MIF: variants seen among roughly 807,000 people sequenced by gnomAD.
The protein encoded by MIF is L-dopachrome isomerase.
A neutral mutation model predicts 11.3 loss-of-function variants in MIF; 16 were observed. The ratio of observed to expected loss-of-function variants is 1.42; its 90% confidence interval spans 0.96 to 2.16. MIF has a LOEUF of 2.16. Among genes scored for constraint, MIF ranks in the 30% most tolerant of loss-of-function variants. MIF has a pLI of 0.00. For missense variants in MIF, 229 were observed against 165.3 expected (o/e 1.39, Z -2.11); for synonymous variants, 83 against 74.2 (o/e 1.12, Z -0.61).
Position 23,894,448 on chromosome 22 carries a change from C to T in MIF, c.-27C>T. The T allele has an allele frequency of 6.3e-7, 1 of 1,586,562 alleles. No homozygotes were observed. On this transcript the variant is annotated 5_prime_UTR_variant, in exon 1 of 3. Coordinates refer to ENST00000215754, the MANE Select transcript of MIF (RefSeq NM_002415.2). ...CGCGGCGCGTGCGTCTGTGCCTCTG[C>T]GCGGGTCTCCTGGTCCTTCTGCCAT...
rs759924253 is a variant in MIF, at chr22:23,894,629, G to T, written c.108+47G>T. The T allele has an allele frequency of 5.7e-6, 9 of 1,580,990 alleles. No individual in the cohort carries two copies. The African/African-American group carries it at 1.1e-4, about 19-fold the overall frequency. On this transcript the variant is annotated intron_variant, in intron 1 of 2. Coordinates refer to ENST00000215754, the MANE Select transcript of MIF (RefSeq NM_002415.2). ...AGAGGGGGGTGCCCACCGGACGAGG[G>T]GTTCCGCGCTGGGAGCTGGGGAGGC...
chr22:23,894,479 C>A lies in MIF; in HGVS notation c.5C>A (p.Pro2Gln), dbSNP rs200500959. The A allele has an allele frequency of 6.2e-7, 1 of 1,612,762 alleles. No homozygotes were observed. Among genetic ancestry groups the A allele is most frequent in the Non-Finnish European group, 8.5e-7 (1 of 1,179,480 alleles). The change falls in exon 1 of 3, where the codon CCG becomes CAG. Residue 2 changes from proline to glutamine, a missense_variant. Physicochemically the swap from Pro to Gln is moderately conservative, Grantham distance 76. Transcript: ENST00000215754. ...TCTCCTGGTCCTTCTGCCATCATGC[C>A]GATGTTCATCGTAAACACCAACGTG... The part of the protein sequence containing the change: M[P>Q]MFIVNTNVPR...
chr22:23,894,768 G>A lies in MIF; in HGVS notation c.109-4G>A, dbSNP rs750230663. The A allele has an allele frequency of 1.3e-6, 2 of 1,526,642 alleles. No homozygotes were observed. Among genetic ancestry groups the A allele is most frequent in the Non-Finnish European group, 8.8e-7 (1 of 1,139,192 alleles). 94.6% of individuals were successfully genotyped at this position (1,526,642 alleles called of 1,614,324 possible). A position where few individuals can be genotyped will look rare whatever the true frequency, so the allele number is the denominator to read the frequency against. ...GGCGGGCTGACCGCGCCCTTTCCTCGCAGTACATCGCGGTGCACGTGGTCC... is the reference window on the plus strand; with the variant it reads ...GGCGGGCTGACCGCGCCCTTTCCTCACAGTACATCGCGGTGCACGTGGTCC... On this transcript the variant is annotated splice_polypyrimidine_tract_variant and splice_region_variant and intron_variant, in intron 1 of 2. Transcript: ENST00000215754.
Position 23,894,566 on chromosome 22 carries a change from C to G in MIF, c.92C>G (p.Thr31Ser). The G allele has an allele frequency of 6.2e-7, 1 of 1,612,776 alleles. No individual in the cohort carries two copies. The highest frequency in any genetic ancestry group is 8.5e-7 in the Non-Finnish European group (1 of 1,179,662). Residue 31 changes from threonine (T) to serine (S), a missense_variant, in exon 1 of 3, where the codon ACC becomes AGC. Coordinates refer to ENST00000215754, the MANE Select transcript of MIF (RefSeq NM_002415.2). Reference protein sequence around the residue: ...SELTQQLAQATGKPPQYIAVH... With the variant: ...SELTQQLAQASGKPPQYIAVH... ...CTCACCCAGCAGCTGGCGCAGGCCACCGGCAAGCCCCCCCAGGTTTGCCGG... is the reference window on the plus strand; with the variant it reads ...CTCACCCAGCAGCTGGCGCAGGCCAGCGGCAAGCCCCCCCAGGTTTGCCGG...
chr22:23,894,528 G>GT lies in MIF; in HGVS notation c.56dup (p.Leu20ProfsTer?), dbSNP rs1569004370. On this transcript the variant is annotated frameshift_variant, in exon 1 of 3. Transcript: ENST00000215754. LOFTEE classifies it high-confidence loss of function. The stretch of plus-strand genomic sequence containing the variant: ...TGCCCCGCGCCTCCGTGCCGGACGG[G>GT]TTCCTCTCCGAGCTCACCCAGCAGC... 1 of 1,613,242 alleles carries GT rather than the reference G, an allele frequency of 6.2e-7. No homozygotes were observed.
At chr22:23,894,657 C>G (rs909102271) in intron 1 of MIF, 75 bp downstream of exon 1, 16 of 1,496,596 alleles carry the variant, frequency 1.1e-5, no homozygotes, top group Middle Eastern at 2.2e-4. Context: ...GGGGAGGCGA[C>G]TCCTGAACGG....
intron 1 of MIF, 84 bp from the exon 2 acceptor site, chr22:23,894,688 G>A: frequency 1.4e-6 from 2 of 1,468,752 alleles, no homozygotes; most frequent in Non-Finnish European, 1.8e-6. Context: ...CGGGGCGGGG[G>A]GAGGACGGTG....
intron 2 of MIF, 43 bp downstream of exon 2, chr22:23,894,987 C>T (rs1416718426): frequency 2.6e-6 from 4 of 1,541,684 alleles, no homozygotes; most frequent in Middle Eastern, 3.8e-4. Context: ...CGGCGGCGCG[C>T]GGCCAGGCCC....
intron 2 of MIF, 24 bp from the exon 3 acceptor site, chr22:23,895,016 G>A (rs1365859466): frequency 2.6e-6 from 4 of 1,541,484 alleles, no homozygotes; most frequent in Admixed American, 3.9e-5. Context: ...GCCACCCGCT[G>A]AGTCCGGCCT....
rs11548059 is a variant in MIF, at chr22:23,894,794, C to G, written c.131C>G (p.Pro44Arg). 6 of 1,550,990 alleles carry G rather than the reference C, an allele frequency of 3.9e-6. No homozygotes were observed. Among genetic ancestry groups the G allele is most frequent in the Non-Finnish European group, 5.2e-6 (6 of 1,152,664 alleles). Residue 44 changes from proline to arginine, a missense_variant, in exon 2 of 3, where the codon CCG becomes CGG. Physicochemically the swap from Pro to Arg is moderately radical, Grantham distance 103 (BLOSUM62 -2). Coordinates refer to ENST00000215754, the MANE Select transcript of MIF (RefSeq NM_002415.2). ...CAGTACATCGCGGTGCACGTGGTCC[C>G]GGACCAGCTCATGGCCTTCGGCGGC... The part of the protein sequence containing the change: ...PPQYIAVHVV[P>R]DQLMAFGGSS...
Position 23,894,953 on chromosome 22 carries a change from A to G in MIF, c.281+9A>G. 7 of 1,549,782 alleles carry G rather than the reference A, an allele frequency of 4.5e-6. No individual in the cohort carries two copies. Among genetic ancestry groups the G allele is most frequent in the Non-Finnish European group, 6.1e-6 (7 of 1,147,016 alleles). On this transcript the variant is annotated intron_variant, in intron 2 of 2. Coordinates refer to ENST00000215754, the MANE Select transcript of MIF (RefSeq NM_002415.2). Reference sequence around the variant, plus strand: ...CGCATCAGCCCGGACAGGTACGCGGAGTCGCGGAGGGGCGGGGGAGGGGCG... The same window carrying G: ...CGCATCAGCCCGGACAGGTACGCGGGGTCGCGGAGGGGCGGGGGAGGGGCG...
chr22:23,895,070 GGCCAATGTGGGCTGGAACA>G lies in MIF; in HGVS notation c.313_331del (p.Ala105ThrfsTer?). ...ACATCAACTATTACGACATGAACGC[GGCCAATGTGGGCTGGAACA>G]ACTCCACCTTCGCCTAAGAGCCGCA... On this transcript the variant is annotated frameshift_variant, in exon 3 of 3. Coordinates refer to ENST00000215754, the MANE Select transcript of MIF (RefSeq NM_002415.2). LOFTEE classifies it high-confidence loss of function. 1.3e-6 allele frequency: 2 copies of G among 1,558,868 alleles called. No homozygotes were observed. Among genetic ancestry groups the G allele is most frequent in the Non-Finnish European group, 1.7e-6 (2 of 1,150,876 alleles).
intron 1 of MIF, 35 bp from the exon 2 acceptor site, chr22:23,894,737 C>T (rs1420284181): frequency 1.3e-6 from 2 of 1,491,534 alleles, no homozygotes; most frequent in Admixed American, 4.3e-5. Flanking sequence ...CCGACGAGGT[C>T]GCTGGGGCGG....
Position 23,894,402 on chromosome 22 carries a change from G to A in MIF, c.-73G>A. 7.9e-7 allele frequency: 1 copy of A among 1,264,916 alleles called. No individual in the cohort carries two copies. Among genetic ancestry groups the A allele is most frequent in the South Asian group, 1.2e-5 (1 of 82,976 alleles). 78.4% of individuals were successfully genotyped at this position (1,264,916 alleles called of 1,614,324 possible). A position where few individuals can be genotyped will look rare whatever the true frequency, so the allele number is the denominator to read the frequency against. ...GACCACAGTGGTGTCCGAGAAGTCA[G>A]GCACGTAGCTCAGCGGCGGCCGCGG... On this transcript the variant is annotated 5_prime_UTR_variant, in exon 1 of 3. Coordinates refer to ENST00000215754, the MANE Select transcript of MIF (RefSeq NM_002415.2).
chr22:23,895,001 A>T, intron 2 of MIF, 39 bp from the exon 3 acceptor site: 2 of 1,540,936 alleles, frequency 1.3e-6, no homozygotes, highest in Middle Eastern at 1.9e-4. Flanking sequence ...CAGGCCCGGG[A>T]CTGAGCCACC....
Position 23,894,576 on chromosome 22 carries a change from C to G in MIF, c.102C>G (p.Pro34=). The change falls in exon 1 of 3, where the codon CCC becomes CCG. Residue 34 remains proline, a synonymous_variant. Transcript: ENST00000215754. ...TQQLAQATGK[P]PQYIAVHVVP... ...AGCTGGCGCAGGCCACCGGCAAGCC[C>G]CCCCAGGTTTGCCGGGAGGGGACAG... 1.2e-6 allele frequency: 2 copies of G among 1,612,498 alleles called. No homozygotes were observed. Among genetic ancestry groups the G allele is most frequent in the Middle Eastern group, 1.7e-4 (1 of 6,052 alleles).
chr22:23,895,121 C>G lies in MIF; in HGVS notation c.*15C>G, dbSNP rs997086178. ...CCTTCGCCTAAGAGCCGCAGGGACC[C>G]ACGCTGTCTGCGCTGGCTCCACCCG... On this transcript the variant is annotated 3_prime_UTR_variant, in exon 3 of 3. Transcript: ENST00000215754. The G allele has an allele frequency of 1.1e-5, 17 of 1,552,496 alleles. No homozygotes were observed. The highest frequency in any genetic ancestry group is 3.4e-4 in the Middle Eastern group (2 of 5,966).
chr22:23,894,461 G>A lies in MIF; in HGVS notation c.-14G>A. The A allele has an allele frequency of 6.2e-7, 1 of 1,609,860 alleles. No individual in the cohort carries two copies. Among genetic ancestry groups the A allele is most frequent in the Non-Finnish European group, 8.5e-7 (1 of 1,177,026 alleles). On this transcript the variant is annotated 5_prime_UTR_variant, in exon 1 of 3. Transcript: ENST00000215754. ...TCTGTGCCTCTGCGCGGGTCTCCTGGTCCTTCTGCCATCATGCCGATGTTC... is the reference window on the plus strand; with the variant it reads ...TCTGTGCCTCTGCGCGGGTCTCCTGATCCTTCTGCCATCATGCCGATGTTC...
rs182012324 is a variant in MIF, at chr22:23,894,887, C to T, written c.224C>T (p.Ser75Phe). ...IGKIGGAQNRSYSKLLCGLLA... is the reference protein window; with the variant it reads ...IGKIGGAQNRFYSKLLCGLLA... The stretch of plus-strand genomic sequence containing the variant: ...AAGATCGGCGGCGCGCAGAACCGCT[C>T]CTACAGCAAGCTGCTGTGCGGCCTG... The change falls in exon 2 of 3, where the codon TCC becomes TTC. Residue 75 changes from serine (S) to phenylalanine (F), a missense_variant. By Grantham distance (155) the Ser-to-Phe change is radical. Transcript: ENST00000215754. The T allele has an allele frequency of 1.5e-3, 2,370 of 1,553,982 alleles. 5 individuals carry two copies. The highest frequency in any genetic ancestry group is 5.2e-3 in the Middle Eastern group (31 of 5,960).
Sources: allele counts gnomAD v4.1 joint callset, GRCh38; gene constraint gnomAD v4.1.1; transcripts MANE v1.5; gene names NCBI Gene and HGNC (gene_info 2026-07-23, HGNC 2026-07-21).